The following RYR2 variants were observed in gnomAD, a reference collection of about 807,000 sequenced individuals.
RYR2 encodes the protein cardiac muscle ryanodine receptor-calcium release channel.
In RYR2, 227 loss-of-function variants were observed where a neutral mutation model predicts 601.1. That is an observed-to-expected ratio of 0.38 (90% CI 0.34 to 0.42). The LOEUF (loss-of-function observed/expected upper bound fraction) is 0.42. Among genes scored for constraint, RYR2 ranks in the 10% least tolerant of loss-of-function variants. The probability of loss-of-function intolerance (pLI) is 1.00; values close to 1 mark genes in which losing one functional copy is unlikely to be tolerated. For synonymous variants in RYR2, 2,223 were observed against 2,175.1 expected, an observed-to-expected ratio of 1.02 and a Z score of -0.61; for missense variants, 4,646 against 6,156.5, an observed-to-expected ratio of 0.75 and a Z score of 8.21.
intron 36 of RYR2, among the ~76,000 whole-genome samples, chr1:237,612,417 G>T (rs1677982115): frequency 6.6e-6 from 1 of 152,000 alleles, no homozygotes; most frequent in East Asian, 1.9e-4. Context: ...TAGGTAAATT[G>T]TATAGCATGT....
chr1:237,354,663 C>A lies in RYR2; in HGVS notation c.274-1302C>A, dbSNP rs143076686. Among the ~76,000 whole-genome samples, 41 of 152,070 alleles carry A rather than the reference C, an allele frequency of 2.7e-4. 1 individual carries two copies. The highest frequency in any genetic ancestry group is 1.5e-3 in the South Asian group (7 of 4,814). On this transcript the variant is annotated intron_variant, in intron 3 of 104. Transcript: ENST00000366574. ...GCCCCAGGATCTAAAGGAATGGATTCATCACTCCGATAAGTTAATGTTTAA... is the reference window on the plus strand; with the variant it reads ...GCCCCAGGATCTAAAGGAATGGATTAATCACTCCGATAAGTTAATGTTTAA...
intron 12 of RYR2, among the ~76,000 whole-genome samples, chr1:237,428,603 C>T (rs555153277): frequency 2.0e-4 from 29 of 145,190 alleles, no homozygotes; most frequent in African/African-American, 7.1e-4. Context: ...CTCGGTGGGG[C>T]GGGGGTGCAA....
intron 58 of RYR2, among the ~76,000 whole-genome samples, chr1:237,669,647 G>A (rs1049046664): frequency 6.6e-6 from 1 of 151,980 alleles, no homozygotes; most frequent in African/African-American, 2.4e-5. Context: ...TCACATCCCA[G>A]ACGGGGCGGC....
In RYR2 at chr1:237,174,006, G is replaced by A. The variant is rs554580610; in HGVS notation, c.49-96491G>A. ...TGGGAGGCAGGGCTTGCAGTGAGCC[G>A]AGATCTTGCCACTGCACTCCAGCCT... On this transcript the variant is annotated intron_variant, in intron 1 of 104. Coordinates refer to ENST00000366574, the MANE Select transcript of RYR2 (RefSeq NM_001035.3). 2.0e-5 allele frequency among the ~76,000 whole-genome samples: 3 copies of A among 152,188 alleles called. No homozygotes were observed. In the South Asian group the frequency reaches 6.2e-4, roughly 32 times the overall value.
chr1:237,728,375 T>C (rs1302233855), intron 76 of RYR2, among the ~76,000 whole-genome samples: 1 of 152,086 alleles, frequency 6.6e-6, no homozygotes, highest in Non-Finnish European at 1.5e-5. Context: ...TCAGATAGAA[T>C]ATTAACCTTA....
At chr1:237,100,679 C>G (rs1330861117) in intron 1 of RYR2, among the ~76,000 whole-genome samples, 2 of 152,162 alleles carry the variant, frequency 1.3e-5, no homozygotes, top group African/African-American at 4.8e-5. Context: ...AGCCACCGTG[C>G]CTGGCCCTGA....
intron 1 of RYR2, among the ~76,000 whole-genome samples, chr1:237,056,998 G>A (rs1045958716): frequency 1.3e-5 from 2 of 152,174 alleles, no homozygotes; most frequent in East Asian, 1.9e-4. Context: ...ACGTTATTAT[G>A]GCAGCAGTAG....
chr1:237,436,577 G>A (rs1031547388), intron 12 of RYR2, among the ~76,000 whole-genome samples: 1 of 146,350 alleles, frequency 6.8e-6, no homozygotes, highest in African/African-American at 2.5e-5. Flanking sequence ...TTTTCACAGT[G>A]ACCAACTATT....
intron 56 of RYR2, among the ~76,000 whole-genome samples, chr1:237,664,748 G>T (rs1262765011): frequency 6.6e-6 from 1 of 152,218 alleles, no homozygotes; most frequent in African/African-American, 2.4e-5. Context: ...ACCCGAGATG[G>T]TTGCCATGGA....
At chr1:237,428,595 C>T (rs569637672) in intron 12 of RYR2, among the ~76,000 whole-genome samples, 6 of 151,314 alleles carry the variant, frequency 4.0e-5, no homozygotes, top group Non-Finnish European at 5.9e-5. Context: ...CAGGGCCTCT[C>T]GGTGGGGCGG....
At chr1:237,077,834 C>A (rs1665180613) in intron 1 of RYR2, among the ~76,000 whole-genome samples, 1 of 151,148 alleles carries the variant, frequency 6.6e-6, no homozygotes, top group African/African-American at 2.4e-5. Context: ...TTTTTTTCAG[C>A]ACCACACCAC....
chr1:237,051,282 T>TCCTCTC (rs1553271666), intron 1 of RYR2, among the ~76,000 whole-genome samples: 1 of 79,338 alleles, frequency 1.3e-5, no homozygotes, highest in South Asian at 5.9e-4. Context: ...TCTCCTCCCC[T>TCCTCTC]TCTCTCTCTC....
chr1:237,293,549 C>G (rs576548734), intron 2 of RYR2, among the ~76,000 whole-genome samples: 5 of 152,288 alleles, frequency 3.3e-5, no homozygotes, highest in Admixed American at 6.5e-5. Flanking sequence ...AGATTGTCAT[C>G]TTTACTTCTG....
At chr1:237,701,265 G>T (rs565702580) in intron 65 of RYR2, among the ~76,000 whole-genome samples, 1 of 152,254 alleles carries the variant, frequency 6.6e-6, no homozygotes, top group Non-Finnish European at 1.5e-5. Context: ...GTGCAGTGGC[G>T]CATGCCTGTA....
intron 8 of RYR2, among the ~76,000 whole-genome samples, chr1:237,383,593 A>C (rs1224342303): frequency 1.3e-5 from 2 of 151,028 alleles, no homozygotes; most frequent in African/African-American, 2.4e-5. Context: ...CCACACCCGG[A>C]TAATTTTTTA....
rs575845226 is a variant in RYR2 at position 237,188,525 on chromosome 1, C to T, written c.49-81972C>T. On this transcript the variant is annotated intron_variant, in intron 1 of 104. Transcript: ENST00000366574. ...TACATGTAAACCTCTGAGCTCAGTGCCTGGCAGTTATCATTAGGTTATTTA... is the reference window on the plus strand; with the variant it reads ...TACATGTAAACCTCTGAGCTCAGTGTCTGGCAGTTATCATTAGGTTATTTA... Among the ~76,000 whole-genome samples the T allele has an allele frequency of 4.3e-4, 65 of 152,146 alleles. 1 individual carries two copies. The highest frequency in any genetic ancestry group is 1.5e-3 in the African/African-American group (63 of 41,522).
intron 12 of RYR2, among the ~76,000 whole-genome samples, chr1:237,439,438 C>T (rs374266074): frequency 1.0e-3 from 155 of 152,166 alleles, no homozygotes; most frequent in African/African-American, 3.4e-3. Context: ...TGAGTTCAGG[C>T]GTTTAAGACT....
At chr1:237,054,379 T>C (rs1219427236) in intron 1 of RYR2, among the ~76,000 whole-genome samples, 4 of 125,828 alleles carry the variant, frequency 3.2e-5, no homozygotes, top group South Asian at 5.4e-4. Context: ...AGACTGTAAA[T>C]TGGATTATAA....
intron 2 of RYR2, among the ~76,000 whole-genome samples, chr1:237,310,435 T>G (rs1694430037): frequency 6.6e-6 from 1 of 152,232 alleles, no homozygotes; most frequent in Non-Finnish European, 1.5e-5. Flanking sequence ...AAAGGTTAAA[T>G]ATCTCCACAG....
Sources: gnomAD v4.1 joint callset for allele counts (sites outside exome capture counted in the v4.1 genomes callset) on GRCh38, gnomAD v4.1.1 for gene constraint, MANE v1.5 for transcripts, NCBI Gene and HGNC (gene_info 2026-07-23, HGNC 2026-07-21) for gene names.